Variants in PHF3 observed in about 807,000 individuals in gnomAD.
The protein encoded by PHF3 is PHD finger protein 3.
In PHF3, 41 loss-of-function variants were observed where a neutral mutation model predicts 178.4. The observed-to-expected ratio is 0.23, with a 90% CI of 0.18 to 0.30. PHF3 has a LOEUF of 0.30. PHF3 is among the 10% of genes least tolerant of loss of function. PHF3 has a pLI of 1.00. For synonymous variants in PHF3, 842 were observed against 800.5 expected (o/e 1.05, Z -0.88); for missense variants, 2,346 against 2,398.1 (o/e 0.98, Z 0.45).
chr6:63,687,783 CCT>C (rs1766779766), intron 4 of PHF3, among the ~76,000 whole-genome samples: 1 of 152,056 alleles, frequency 6.6e-6, no homozygotes, highest in Non-Finnish European at 1.5e-5. Flanking sequence ...GGTGTTAGTC[CCT>C]TTGTTGTTGT....
At position 63,691,949 on chromosome 6, in the gene PHF3, A is replaced by C; in HGVS notation, c.2402A>C (p.Glu801Ala). 6.2e-7 allele frequency: 1 copy of C among 1,613,692 alleles called. No individual in the cohort carries two copies. The highest frequency in any genetic ancestry group is 8.5e-7 in the Non-Finnish European group (1 of 1,179,692). ...VEFHSGDKTM[E>A]CEKLGLSKHT... ...TTCCATAGTGGAGATAAAACAATGG[A>C]GTGTGAAAAGCTTGGATTATCAAAA... The change falls in exon 5 of 16, where the codon GAG becomes GCG. Residue 801 changes from glutamate to alanine, a missense_variant. Glu to Ala is a moderately radical substitution (Grantham distance 107). Around this residue, in one of 8 missense-constraint regions of PHF3, gnomAD observed 252 missense variants for 232.0 expected, o/e 1.09. Transcript: ENST00000262043.
chr6:63,644,178 A>G (rs1764686686), intron 1 of PHF3, among the ~76,000 whole-genome samples: 1 of 152,190 alleles, frequency 6.6e-6, no homozygotes, highest in East Asian at 1.9e-4. Context: ...ATTTGTTTCT[A>G]GGGCTGAAAC....
At position 63,725,400 on chromosome 6, in the gene PHF3, C is replaced by G. The variant is rs573734119; in HGVS notation, c.*11692C>G. On this transcript the variant is annotated 3_prime_UTR_variant, in exon 16 of 16. Coordinates refer to ENST00000262043, the MANE Select transcript of PHF3 (RefSeq NM_001370348.2). The stretch of plus-strand genomic sequence containing the variant: ...CAGCCAGTCACAATCCTGAATATAC[C>G]TTGATTTTCTGCCCTCTTACATAGG... Among the ~76,000 whole-genome samples the G allele has an allele frequency of 6.6e-6, 1 of 152,192 alleles. No homozygotes were observed. The highest frequency in any genetic ancestry group is 2.4e-5 in the African/African-American group (1 of 41,554).
In PHF3 at chr6:63,711,318, C is replaced by A; in HGVS notation, c.3953C>A (p.Ala1318Asp). Residue 1318 changes from alanine (A) to aspartate (D), a missense_variant, in exon 15 of 16, where the codon GCC (alanine) becomes GAC (aspartate). Physicochemically the swap from Ala to Asp is moderately radical, Grantham distance 126. Transcript: ENST00000262043. Reference protein sequence around the residue: ...VKDMYLIPLGATDKIPHPLVP... With the variant: ...VKDMYLIPLGDTDKIPHPLVP... ...GATATGTACCTTATTCCTTTGGGTG[C>A]CACAGATAAAATTCCACACCCTCTT... is the stretch of plus-strand genomic sequence containing the variant. 6.2e-7 allele frequency: 1 copy of A among 1,612,874 alleles called. No individual in the cohort carries two copies. Among genetic ancestry groups the A allele is most frequent in the Non-Finnish European group, 8.5e-7 (1 of 1,179,396 alleles).
chr6:63,640,420 T>C (rs972481637), intron 1 of PHF3, among the ~76,000 whole-genome samples: 7 of 152,358 alleles, frequency 4.6e-5, no homozygotes, highest in African/African-American at 1.7e-4. Flanking sequence ...TGCTAAACTT[T>C]AGCCCCTCTC....
chr6:63,686,111 T>TA (rs1766692463), intron 4 of PHF3, 200 bp downstream of exon 4: 1 of 520,418 alleles, frequency 1.9e-6, no homozygotes, highest in Non-Finnish European at 3.3e-6. Flanking sequence ...CTAGAACATT[T>TA]AAAAAAGCAT....
In PHF3 at chr6:63,702,635, T is replaced by G. The variant is rs1767522112; in HGVS notation, c.3227T>G (p.Ile1076Ser). The G allele has an allele frequency of 3.7e-6, 6 of 1,612,234 alleles. No homozygotes were observed. The highest frequency in any genetic ancestry group is 4.2e-6 in the Non-Finnish European group (5 of 1,178,974). The change falls in exon 10 of 16, where the codon ATT (isoleucine) becomes AGT (serine). Residue 1076 changes from isoleucine (I) to serine (S), a missense_variant. This residue lies in a region of PHF3 where 205 missense variants were observed against 212.4 expected (regional missense o/e 0.97). Coordinates refer to ENST00000262043, the MANE Select transcript of PHF3 (RefSeq NM_001370348.2). ...AAAGAACAGGAAGCAGCCATGGAGA[T>G]TCAGGTAAGGATAGATATGCCATGT... is the stretch of plus-strand genomic sequence containing the variant. The part of the protein sequence containing the change: ...PMKEQEAAME[I>S]QEPAANKSLE...
rs1298739470 is a variant in PHF3, at chr6:63,721,103, G to T, written c.*7395G>T. On this transcript the variant is annotated 3_prime_UTR_variant, in exon 16 of 16. Transcript: ENST00000262043. Reference sequence around the variant, plus strand: ...TTAAGGATATAGTAGTGAACTGGAGGTTTCTCATTCTATAATTTGGATCAA... The same window carrying T: ...TTAAGGATATAGTAGTGAACTGGAGTTTTCTCATTCTATAATTTGGATCAA... The T allele has an allele frequency of 1.9e-6, 3 of 1,551,182 alleles. No individual in the cohort carries two copies. The highest frequency in any genetic ancestry group is 2.7e-5 in the African/African-American group (2 of 73,016).
chr6:63,685,058 C>A lies in PHF3; in HGVS notation c.1336C>A (p.Gln446Lys). ...LENAICDVPD[Q>K]NSKQLNAIES... ...AAATGCTATTTGTGATGTGCCTGAC[C>A]AAAATTCAAAACAGTTGAATGCTAT... is the stretch of plus-strand genomic sequence containing the variant. The change falls in exon 4 of 16, where the codon CAA becomes AAA. Residue 446 changes from glutamine (Q) to lysine (K), a missense_variant. By Grantham distance (53) the Gln-to-Lys change is moderately conservative. Transcript: ENST00000262043. 6.2e-7 allele frequency: 1 copy of A among 1,613,916 alleles called. No homozygotes were observed. The highest frequency in any genetic ancestry group is 8.5e-7 in the Non-Finnish European group (1 of 1,179,946).
chr6:63,646,522 T>C lies in PHF3; in HGVS notation c.-25-5T>C. 6.4e-7 allele frequency: 1 copy of C among 1,569,916 alleles called. No individual in the cohort carries two copies. The highest frequency in any genetic ancestry group is 1.2e-5 in the South Asian group (1 of 85,946). On this transcript the variant is annotated splice_region_variant and splice_polypyrimidine_tract_variant and intron_variant, in intron 1 of 15. Coordinates refer to ENST00000262043, the MANE Select transcript of PHF3 (RefSeq NM_001370348.2). ...TCTTATGGTATTTTTTTTGTCTTTC[T>C]ATAGGGCTGAAAGACACACAGAAGT...
intron 2 of PHF3, among the ~76,000 whole-genome samples, chr6:63,665,167 G>T (rs1221251279): frequency 1.3e-5 from 2 of 151,894 alleles, no homozygotes; most frequent in East Asian, 3.9e-4. Context: ...TTCTTAGCCC[G>T]AGTTTTTTCT....
chr6:63,717,418 A>T lies in PHF3; in HGVS notation c.*3710A>T, dbSNP rs1002363330. On this transcript the variant is annotated 3_prime_UTR_variant, in exon 16 of 16. Transcript: ENST00000262043. Reference sequence around the variant, plus strand: ...TACTAATGACTACAAAGAACTATATACACAATCAGGTTTATTTCTGTCTCT... The same window carrying T: ...TACTAATGACTACAAAGAACTATATTCACAATCAGGTTTATTTCTGTCTCT... 5.3e-5 allele frequency among the ~76,000 whole-genome samples: 8 copies of T among 152,088 alleles called. No homozygotes were observed. The highest frequency in any genetic ancestry group is 1.9e-4 in the African/African-American group (8 of 41,456).
At chr6:63,709,294 C>A in intron 14 of PHF3, 54 bp downstream of exon 14, 2 of 1,201,830 alleles carry the variant, frequency 1.7e-6, no homozygotes, top group Non-Finnish European at 2.5e-6. Flanking sequence ...AGAAAGTAAA[C>A]AGTTTAGAAT....
intron 3 of PHF3, among the ~76,000 whole-genome samples, chr6:63,680,571 T>C (rs1007489244): frequency 3.9e-5 from 6 of 151,984 alleles, no homozygotes; most frequent in African/African-American, 1.4e-4. Flanking sequence ...AGATCAATGG[T>C]AATTATGTTA....
At position 63,637,956 on chromosome 6, in the gene PHF3, C is replaced by G. The variant is rs555795816; in HGVS notation, c.-26+1806C>G. Among the ~76,000 whole-genome samples the G allele has an allele frequency of 3.9e-5, 6 of 152,224 alleles. No homozygotes were observed. In the South Asian group the frequency reaches 1.2e-3, roughly 31 times the overall value. The stretch of plus-strand genomic sequence containing the variant: ...AATATAGTTTATTTTACTGCTTTTG[C>G]ATACACGTGAATTATGCATTCTCTC... On this transcript the variant is annotated intron_variant, in intron 1 of 15. Coordinates refer to ENST00000262043, the MANE Select transcript of PHF3 (RefSeq NM_001370348.2).
At chr6:63,659,081 C>G (rs1257761714) in intron 2 of PHF3, among the ~76,000 whole-genome samples, 1 of 152,082 alleles carries the variant, frequency 6.6e-6, no homozygotes, top group Admixed American at 6.6e-5. Flanking sequence ...AGCATTTAGA[C>G]TTGTGTTTGA....
In PHF3 at chr6:63,718,124, T is replaced by C. The variant is rs1355628208; in HGVS notation, c.*4416T>C. Among the ~76,000 whole-genome samples the C allele has an allele frequency of 1.3e-5, 2 of 152,044 alleles. No homozygotes were observed. The highest frequency in any genetic ancestry group is 4.1e-4 in the South Asian group (2 of 4,836). The stretch of plus-strand genomic sequence containing the variant: ...TTAAGGTGAAAAATATATTTTCAAG[T>C]CATTTTGATTTATAGGAGAAAAGGC... On this transcript the variant is annotated 3_prime_UTR_variant, in exon 16 of 16. Transcript: ENST00000262043.
At chr6:63,638,637 G>A (rs888802935) in intron 1 of PHF3, among the ~76,000 whole-genome samples, 1 of 152,076 alleles carries the variant, frequency 6.6e-6, no homozygotes, top group African/African-American at 2.4e-5. Flanking sequence ...ATTTCTAACA[G>A]TTTTTATTCA....
chr6:63,664,858 A>G (rs1442481514), intron 2 of PHF3, among the ~76,000 whole-genome samples: 3 of 152,014 alleles, frequency 2.0e-5, no homozygotes, highest in Non-Finnish European at 2.9e-5. Context: ...TTATTGTACA[A>G]TAACTACAAT....
Sources: gnomAD v4.1 joint callset for allele counts (sites outside exome capture counted in the v4.1 genomes callset) on GRCh38, gnomAD v4.1.1 for gene constraint, gnomAD v4.1.1 regional missense constraint, MANE v1.5 for transcripts, NCBI Gene and HGNC (gene_info 2026-07-23, HGNC 2026-07-21) for gene names.